PEA15: variants seen among roughly 807,000 people sequenced by gnomAD.
PEA15 encodes the protein astrocytic phosphoprotein PEA-15.
For synonymous variants in PEA15, 60 were observed against 61.8 expected, an observed-to-expected ratio of 0.97 and a Z score of 0.13; for missense variants, 77 against 161.3, an observed-to-expected ratio of 0.48 and a Z score of 2.83.
chr1:160,205,401 AGGCGGCGGCGGCGGCAGAAGCGGCGGC>A lies in PEA15; in HGVS notation c.-112_-86del. 5.5e-6 allele frequency: 1 copy of A among 183,120 alleles called. No homozygotes were observed. The highest frequency in any genetic ancestry group is 1.1e-5 in the Non-Finnish European group (1 of 93,282). 11.3% of individuals were successfully genotyped at this position (183,120 alleles called of 1,614,324 possible). ...CGGGCTCCGGCTCCGCGGGCGGAAG[AGGCGGCGGCGGCGGCAGAAGCGGCGGC>A]GGCGGCGGCGGGAGCCGAGGAGGAG... is the stretch of plus-strand genomic sequence containing the variant. On this transcript the variant is annotated 5_prime_UTR_variant, in exon 1 of 4. Coordinates refer to ENST00000360472, the MANE Select transcript of PEA15 (RefSeq NM_003768.5). The surrounding 1 kb of genome is among the most constrained non-coding windows in gnomAD (Gnocchi z 5.9).
chr1:160,207,528 A>C (rs1654651279), intron 1 of PEA15, among the ~76,000 whole-genome samples: 1 of 152,150 alleles, frequency 6.6e-6, no homozygotes, highest in Non-Finnish European at 1.5e-5. Context: ...CCAAGGGCTG[A>C]AGGCTAATCC....
chr1:160,210,428 G>A (rs1557822174), intron 1 of PEA15, among the ~76,000 whole-genome samples: 1 of 152,222 alleles, frequency 6.6e-6, no homozygotes, highest in Non-Finnish European at 1.5e-5. Flanking sequence ...TACCACTAGT[G>A]TCACATTTTA....
chr1:160,213,823 A>C lies in PEA15; in HGVS notation c.*337A>C. On this transcript the variant is annotated 3_prime_UTR_variant, in exon 4 of 4. Coordinates refer to ENST00000360472, the MANE Select transcript of PEA15 (RefSeq NM_003768.5). This position sits in a 1 kb window ranked among gnomAD's most constrained non-coding sequence, Gnocchi z 5.3. ...TCCTCCACTCCCCCCATATCTTTAA[A>C]GTGTGGAAGCAGAAAGGACCTGCAT... is the stretch of plus-strand genomic sequence containing the variant. 6.9e-6 allele frequency: 2 copies of C among 289,006 alleles called. No homozygotes were observed. Among genetic ancestry groups the C allele is most frequent in the Non-Finnish European group, 6.7e-6 (1 of 150,296 alleles). The allele number at this position is 289,006 out of a possible 1,614,324, so 17.9% of individuals were successfully genotyped here.
intron 1 of PEA15, chr1:160,209,003 G>A: frequency 3.8e-6 from 1 of 261,082 alleles, no homozygotes; most frequent in Non-Finnish European, 7.4e-6. Context: ...TGCCTCATTT[G>A]CAGCCTTAGT....
Position 160,208,444 on chromosome 1 carries a change from CCCTGGTATCCTGT to C in PEA15, c.-3+2925_-3+2937del. The C allele has an allele frequency of 1.6e-6, 1 of 637,028 alleles. No homozygotes were observed. The allele number at this position is 637,028 out of a possible 1,614,324, so 39.5% of individuals were successfully genotyped here. On this transcript the variant is annotated intron_variant, in intron 1 of 3. Transcript: ENST00000360472. The surrounding 1 kb of genome is among the most constrained non-coding windows in gnomAD (Gnocchi z 4.1). ...CCGGGGCTCCGGTTCCTGATTCCTG[CCCTGGTATCCTGT>C]CCCAAGAATGGCCTCCGCCCAGACT...
In PEA15 at chr1:160,214,781, A is replaced by G. The variant is rs1343575614; in HGVS notation, c.*1295A>G. The G allele has an allele frequency of 1.3e-5, 2 of 152,632 alleles. No individual in the cohort carries two copies. The highest frequency in any genetic ancestry group is 2.9e-5 in the Non-Finnish European group (2 of 68,042). 9.5% of individuals were successfully genotyped at this position (152,632 alleles called of 1,614,324 possible). ...AAAAAAGAAGGCTTTTTCAAAAAAC[A>G]TTAAATTCACATGCAGTCTCAGAGA... On this transcript the variant is annotated 3_prime_UTR_variant, in exon 4 of 4. Transcript: ENST00000360472.
Position 160,213,249 on chromosome 1 carries a change from T to C in PEA15, c.312T>C (p.Ser104=). 6.2e-7 allele frequency: 1 copy of C among 1,614,168 alleles called. No individual in the cohort carries two copies. Among genetic ancestry groups the C allele is most frequent in the Non-Finnish European group, 8.5e-7 (1 of 1,180,018 alleles). Residue 104 remains serine, a synonymous_variant, in exon 3 of 4, where the codon AGT becomes AGC. Coordinates refer to ENST00000360472, the MANE Select transcript of PEA15 (RefSeq NM_003768.5). The surrounding 1 kb of genome is among the most constrained non-coding windows in gnomAD (Gnocchi z 5.3). ...ACACCAAGCTAACCCGTATCCCCAG[T>C]GCCAAGAAGTACAAAGGTAAGCGGC... ...ELDTKLTRIP[S]AKKYKDIIRQ...
At position 160,213,642 on chromosome 1, in the gene PEA15, TCTGG is replaced by T. The variant is rs1005010158; in HGVS notation, c.*160_*163del. On this transcript the variant is annotated 3_prime_UTR_variant, in exon 4 of 4. Coordinates refer to ENST00000360472, the MANE Select transcript of PEA15 (RefSeq NM_003768.5). This position sits in a 1 kb window ranked among gnomAD's most constrained non-coding sequence, Gnocchi z 5.3. ...CGCGTGTGTGTGCGTGTGCGCACGC[TCTGG>T]CTGTTTGTCTATATGTCTAGCTCAT... is the stretch of plus-strand genomic sequence containing the variant. 3.6e-5 allele frequency: 18 copies of T among 496,880 alleles called. No individual in the cohort carries two copies. Among genetic ancestry groups the T allele is most frequent in the Non-Finnish European group, 5.5e-5 (15 of 271,950 alleles). 30.8% of individuals were successfully genotyped at this position (496,880 alleles called of 1,614,324 possible). A position where few individuals can be genotyped will look rare whatever the true frequency, so the allele number is the denominator to read the frequency against.
At chr1:160,212,508 G>A (rs1475438864) in intron 2 of PEA15, among the ~76,000 whole-genome samples, 1 of 152,100 alleles carries the variant, frequency 6.6e-6, no homozygotes, top group Non-Finnish European at 1.5e-5. Context: ...ACGTATAAAG[G>A]AGGACGTGTT....
rs1460831824 is a variant in PEA15 at position 160,213,239 on chromosome 1, G to A, written c.302G>A (p.Arg101His). The A allele has an allele frequency of 5.0e-6, 8 of 1,614,036 alleles. No individual in the cohort carries two copies. The highest frequency in any genetic ancestry group is 1.7e-5 in the Admixed American group (1 of 60,008). ...EEDELDTKLT[R>H]IPSAKKYKDI... ...GATGAGCTGGACACCAAGCTAACCCGTATCCCCAGTGCCAAGAAGTACAAA... is the reference window on the plus strand; with the variant it reads ...GATGAGCTGGACACCAAGCTAACCCATATCCCCAGTGCCAAGAAGTACAAA... Residue 101 changes from arginine to histidine, a missense_variant, in exon 3 of 4, where the codon CGT becomes CAT. Transcript: ENST00000360472. This position sits in a 1 kb window ranked among gnomAD's most constrained non-coding sequence, Gnocchi z 5.3.
chr1:160,205,415 G>A lies in PEA15; in HGVS notation c.-110G>A. Reference sequence around the variant, plus strand: ...GCGGGCGGAAGAGGCGGCGGCGGCGGCAGAAGCGGCGGCGGCGGCGGCGGG... The same window carrying A: ...GCGGGCGGAAGAGGCGGCGGCGGCGACAGAAGCGGCGGCGGCGGCGGCGGG... On this transcript the variant is annotated 5_prime_UTR_variant, in exon 1 of 4. Coordinates refer to ENST00000360472, the MANE Select transcript of PEA15 (RefSeq NM_003768.5). The surrounding 1 kb of genome is among the most constrained non-coding windows in gnomAD (Gnocchi z 5.9). The A allele has an allele frequency of 5.8e-6, 1 of 171,162 alleles. No individual in the cohort carries two copies. The highest frequency in any genetic ancestry group is 1.2e-5 in the Non-Finnish European group (1 of 86,440). 10.6% of individuals were successfully genotyped at this position (171,162 alleles called of 1,614,324 possible).
Position 160,213,497 on chromosome 1 carries a change from G to C in PEA15, c.*11G>C. 6.2e-7 allele frequency: 1 copy of C among 1,612,844 alleles called. No homozygotes were observed. The highest frequency in any genetic ancestry group is 8.5e-7 in the Non-Finnish European group (1 of 1,178,986). ...CCGAAGAAGGCCTGAGCAAGGGGGA[G>C]GAAGAGGAGGAAGGTTGGACCTTCA... On this transcript the variant is annotated 3_prime_UTR_variant, in exon 4 of 4. Coordinates refer to ENST00000360472, the MANE Select transcript of PEA15 (RefSeq NM_003768.5). This position sits in a 1 kb window ranked among gnomAD's most constrained non-coding sequence, Gnocchi z 5.3.
chr1:160,213,813 A>G lies in PEA15; in HGVS notation c.*327A>G, dbSNP rs546848578. ...TACTTCCCTTTCCTCCACTCCCCCCATATCTTTAAAGTGTGGAAGCAGAAA... is the reference window on the plus strand; with the variant it reads ...TACTTCCCTTTCCTCCACTCCCCCCGTATCTTTAAAGTGTGGAAGCAGAAA... On this transcript the variant is annotated 3_prime_UTR_variant, in exon 4 of 4. Coordinates refer to ENST00000360472, the MANE Select transcript of PEA15 (RefSeq NM_003768.5). This position sits in a 1 kb window ranked among gnomAD's most constrained non-coding sequence, Gnocchi z 5.3. 4.1e-5 allele frequency: 13 copies of G among 316,498 alleles called. 1 individual carries two copies. The highest frequency in any genetic ancestry group is 3.9e-4 in the South Asian group (11 of 28,362). 19.6% of individuals were successfully genotyped at this position (316,498 alleles called of 1,614,324 possible).
chr1:160,208,626 C>G lies in PEA15; in HGVS notation c.-2-2917C>G. Reference sequence around the variant, plus strand: ...TGACATGGAGGATGAAGGAAACAAGCTCTGCCAAGCCCCACCATGGCCAGG... The same window carrying G: ...TGACATGGAGGATGAAGGAAACAAGGTCTGCCAAGCCCCACCATGGCCAGG... On this transcript the variant is annotated intron_variant, in intron 1 of 3. Transcript: ENST00000360472. This position sits in a 1 kb window ranked among gnomAD's most constrained non-coding sequence, Gnocchi z 4.1. The G allele has an allele frequency of 6.4e-7, 1 of 1,550,536 alleles. No homozygotes were observed.
chr1:160,213,543 A>T lies in PEA15; in HGVS notation c.*57A>T. 6.6e-7 allele frequency: 1 copy of T among 1,506,554 alleles called. No homozygotes were observed. Among genetic ancestry groups the T allele is most frequent in the Non-Finnish European group, 9.2e-7 (1 of 1,083,418 alleles). 93.3% of individuals were successfully genotyped at this position (1,506,554 alleles called of 1,614,324 possible). On this transcript the variant is annotated 3_prime_UTR_variant, in exon 4 of 4. Transcript: ENST00000360472. The surrounding 1 kb of genome is among the most constrained non-coding windows in gnomAD (Gnocchi z 5.3). The stretch of plus-strand genomic sequence containing the variant: ...CTTCATCAGACCACTCCCTTCCCCC[A>T]TCCTCCAGGAGAGGGGGCAAGGGCA...
At position 160,215,310 on chromosome 1, in the gene PEA15, T is replaced by G. The variant is rs142061277; in HGVS notation, c.*1824T>G. ...GTGAGATTGCCCCTATCTTGTGCTC[T>G]TCTGTCTGCAGTGTGCACGGCCTTG... On this transcript the variant is annotated 3_prime_UTR_variant, in exon 4 of 4. Coordinates refer to ENST00000360472, the MANE Select transcript of PEA15 (RefSeq NM_003768.5). 1.3e-5 allele frequency: 2 copies of G among 152,368 alleles called. No homozygotes were observed. Among genetic ancestry groups the G allele is most frequent in the East Asian group, 3.9e-4 (2 of 5,192 alleles). 9.4% of individuals were successfully genotyped at this position (152,368 alleles called of 1,614,324 possible).
rs1654550732 is a variant in PEA15 at position 160,205,771 on chromosome 1, G to T, written c.-3+249G>T. ...TGAACGGCAGTTTGGGAGTCGGACC[G>T]GGGCCTGTGGATTAGGATGCAGCCT... On this transcript the variant is annotated intron_variant, in intron 1 of 3. Transcript: ENST00000360472. The surrounding 1 kb of genome is among the most constrained non-coding windows in gnomAD (Gnocchi z 5.9). The T allele has an allele frequency of 6.6e-6, 1 of 152,228 alleles. No homozygotes were observed. The highest frequency in any genetic ancestry group is 1.5e-5 in the Non-Finnish European group (1 of 68,084). The allele number at this position is 152,228 out of a possible 1,614,324, so 9.4% of individuals were successfully genotyped here.
At chr1:160,211,745 C>A in intron 2 of PEA15, 29 bp downstream of exon 2, 1 of 1,601,058 alleles carries the variant, frequency 6.2e-7, no homozygotes, top group Admixed American at 1.7e-5. Flanking sequence ...GGGGTCCTGT[C>A]ATCAGTCATT....
At chr1:160,211,286 CAGA>C (rs1654867657) in intron 1 of PEA15, 2 of 1,161,912 alleles carry the variant, frequency 1.7e-6, no homozygotes, top group African/African-American at 1.6e-5. Context: ...AGGGGGAAAA[CAGA>C]AGAAAAAGAT....
Sources: allele counts gnomAD v4.1 joint callset (sites outside exome capture counted in the v4.1 genomes callset), GRCh38; gene constraint gnomAD v4.1.1; non-coding constraint Gnocchi (gnomAD v3.1); transcripts MANE v1.5; gene names NCBI Gene and HGNC (gene_info 2026-07-23, HGNC 2026-07-21).